Variants in MYO1D observed in about 807,000 individuals in gnomAD.
The protein encoded by MYO1D is unconventional myosin-Id.
Under a neutral mutation model 122.0 loss-of-function variants are expected in MYO1D, and 83 were observed. That is an observed-to-expected ratio of 0.68 (90% confidence interval 0.57 to 0.82). MYO1D has a LOEUF of 0.82. MYO1D is among the 40% of genes least tolerant of loss of function. The pLI is 0.00. For synonymous variants in MYO1D, 464 were observed against 446.9 expected, an observed-to-expected ratio of 1.04 and a Z score of -0.48; for missense variants, 1,157 against 1,269.5, an observed-to-expected ratio of 0.91 and a Z score of 1.35.
At chr17:32,833,955 T>C (rs1474897376) in intron 1 of MYO1D, among the ~76,000 whole-genome samples, 2 of 152,172 alleles carry the variant, frequency 1.3e-5, no homozygotes, top group African/African-American at 4.8e-5. Context: ...CCACAGCATT[T>C]ATCACCAACT....
chr17:32,853,157 A>G (rs2091003027), intron 1 of MYO1D, among the ~76,000 whole-genome samples: 1 of 152,148 alleles, frequency 6.6e-6, no homozygotes, highest in African/African-American at 2.4e-5. Context: ...AATCAATTCT[A>G]CCTTCTCAAC....
chr17:32,661,527 C>T (rs961400899), intron 16 of MYO1D, among the ~76,000 whole-genome samples: 1 of 151,982 alleles, frequency 6.6e-6, no homozygotes, highest in Admixed American at 6.6e-5. Context: ...TGGTGGTGTG[C>T]ACCTGTAGTC....
At chr17:32,517,665 C>T (rs1003271645) in intron 21 of MYO1D, among the ~76,000 whole-genome samples, 1 of 152,116 alleles carries the variant, frequency 6.6e-6, no homozygotes, top group Non-Finnish European at 1.5e-5. Flanking sequence ...TCCCTGGGAA[C>T]GACCGGAAGA....
intron 1 of MYO1D, among the ~76,000 whole-genome samples, chr17:32,852,219 A>G (rs2090995303): frequency 6.6e-6 from 1 of 152,062 alleles, no homozygotes. Context: ...TCTGCCTCCC[A>G]GGTTCCAGAG....
chr17:32,759,727 A>G (rs548787794), intron 10 of MYO1D: 1 of 185,976 alleles, frequency 5.4e-6, no homozygotes, highest in African/African-American at 2.3e-5. Flanking sequence ...ATATCTTACC[A>G]GATTAGTTTG....
chr17:32,551,628 G>T (rs1029664399), intron 21 of MYO1D, among the ~76,000 whole-genome samples: 2 of 151,910 alleles, frequency 1.3e-5, no homozygotes, highest in Non-Finnish European at 2.9e-5. Flanking sequence ...TTCCCTTCGG[G>T]AGTCTCACCT....
intron 21 of MYO1D, among the ~76,000 whole-genome samples, chr17:32,503,679 G>A (rs1422255536): frequency 6.6e-6 from 1 of 152,204 alleles, no homozygotes; most frequent in African/African-American, 2.4e-5. Flanking sequence ...TGCATTAAGT[G>A]CTTCATGAGA....
chr17:32,718,532 T>C (rs1266772253), intron 15 of MYO1D, among the ~76,000 whole-genome samples: 2 of 151,982 alleles, frequency 1.3e-5, no homozygotes, highest in Non-Finnish European at 2.9e-5. Context: ...ACTCTGTCTC[T>C]ATTAAAAATG....
At chr17:32,636,464 G>C (rs1429074836) in intron 20 of MYO1D, among the ~76,000 whole-genome samples, 1 of 152,140 alleles carries the variant, frequency 6.6e-6, no homozygotes, top group Non-Finnish European at 1.5e-5. Flanking sequence ...TGACATATTT[G>C]CTTCAGACTT....
intron 11 of MYO1D, among the ~76,000 whole-genome samples, chr17:32,755,021 G>C (rs1448146475): frequency 6.6e-6 from 1 of 152,190 alleles, no homozygotes. Flanking sequence ...ATTACAACTA[G>C]AATCTCTCTG....
At chr17:32,819,343 G>A (rs916447740) in intron 1 of MYO1D, among the ~76,000 whole-genome samples, 3 of 152,048 alleles carry the variant, frequency 2.0e-5, no homozygotes, top group Non-Finnish European at 2.9e-5. Context: ...TCACTGGACC[G>A]GAACTGAAGG....
intron 21 of MYO1D, among the ~76,000 whole-genome samples, chr17:32,515,484 G>T (rs1909857858): frequency 6.6e-6 from 1 of 152,062 alleles, no homozygotes; most frequent in Non-Finnish European, 1.5e-5. Context: ...TAGAGACAGG[G>T]TCTCGCTTTG....
chr17:32,682,577 GC>G (rs2088936760), intron 16 of MYO1D, among the ~76,000 whole-genome samples: 1 of 149,312 alleles, frequency 6.7e-6, no homozygotes, highest in Non-Finnish European at 1.5e-5. Flanking sequence ...TTGAATATTG[GC>G]CCCCACTCTC....
chr17:32,629,367 G>C (rs1009655749), intron 20 of MYO1D, among the ~76,000 whole-genome samples: 2 of 152,144 alleles, frequency 1.3e-5, no homozygotes, highest in East Asian at 3.9e-4. Flanking sequence ...ACCTTTGTGG[G>C]CAACTTAAAA....
chr17:32,767,632 T>C lies in MYO1D; in HGVS notation c.831+4A>G, dbSNP rs2090070996. ...AATACATTCTGAGAGGTGTCCCTAC[T>C]CACCAAGTGCAGAATAGCAGCCAAA... On this transcript the variant is annotated splice_donor_region_variant and intron_variant, in intron 7 of 21. Coordinates refer to ENST00000318217, the MANE Select transcript of MYO1D (RefSeq NM_015194.3). 2 of 1,575,904 alleles carry C rather than the reference T, an allele frequency of 1.3e-6. No homozygotes were observed. The highest frequency in any genetic ancestry group is 1.3e-5 in the African/African-American group (1 of 74,188).
chr17:32,525,371 T>A (rs985043024), intron 21 of MYO1D, among the ~76,000 whole-genome samples: 1 of 152,240 alleles, frequency 6.6e-6, no homozygotes, highest in Non-Finnish European at 1.5e-5. Context: ...GGCATGCAGC[T>A]GTGGGAAGCA....
chr17:32,589,608 GCCT>G (rs1567900036), intron 21 of MYO1D, among the ~76,000 whole-genome samples: 1 of 152,102 alleles, frequency 6.6e-6, no homozygotes, highest in African/African-American at 2.4e-5. Flanking sequence ...CCCAAGCTCC[GCCT>G]CCTCCTCAAT....
chr17:32,514,204 C>T (rs1040886690), intron 21 of MYO1D, among the ~76,000 whole-genome samples: 4 of 140,044 alleles, frequency 2.9e-5, no homozygotes, highest in African/African-American at 1.1e-4. Flanking sequence ...TGTGCCACTG[C>T]ACTCCAGCCT....
intron 21 of MYO1D, among the ~76,000 whole-genome samples, chr17:32,527,673 C>T (rs1597877697): frequency 6.6e-6 from 1 of 152,060 alleles, no homozygotes; most frequent in African/African-American, 2.4e-5. Context: ...TGGTATGTGC[C>T]TGTAGTCCCA....
Sources: gnomAD v4.1 joint callset for allele counts (sites outside exome capture counted in the v4.1 genomes callset) on GRCh38, gnomAD v4.1.1 for gene constraint, MANE v1.5 for transcripts, NCBI Gene and HGNC (gene_info 2026-07-23, HGNC 2026-07-21) for gene names.